Variants in TNR observed in about 807,000 individuals in gnomAD.
TNR encodes tenascin-R.
TNR carries 45 observed loss-of-function variants against 150.4 expected under a neutral mutation model. The ratio of observed to expected loss-of-function variants is 0.30; its 90% CI spans 0.24 to 0.38. TNR has a LOEUF of 0.38. Ranked by LOEUF, TNR falls within the 10% of genes least tolerant of loss-of-function variation. TNR has a pLI of 1.00. For missense variants in TNR, 1,544 were observed against 1,759.1 expected (o/e 0.88, Z 2.19); for synonymous variants, 687 against 678.4 (o/e 1.01, Z -0.20).
intron 18 of TNR, among the ~76,000 whole-genome samples, chr1:175,341,660 A>G (rs1650529116): frequency 6.6e-6 from 1 of 152,134 alleles, no homozygotes; most frequent in Admixed American, 6.5e-5. Flanking sequence ...CTTTAAAATG[A>G]TCAGCTTTAA....
At chr1:175,411,356 T>C (rs777084241) in intron 2 of TNR, among the ~76,000 whole-genome samples, 4 of 152,190 alleles carry the variant, frequency 2.6e-5, no homozygotes, top group Admixed American at 6.5e-5. Flanking sequence ...ACTTTATAAA[T>C]TCTTGGTCTT....
intron 8 of TNR, among the ~76,000 whole-genome samples, chr1:175,382,319 T>C (rs1652718034): frequency 6.6e-6 from 1 of 152,178 alleles, no homozygotes; most frequent in African/African-American, 2.4e-5. Context: ...ATTTCAGCTG[T>C]GGAGCATTGA....
chr1:175,392,921 G>A (rs1319587487), intron 6 of TNR, among the ~76,000 whole-genome samples: 1 of 152,208 alleles, frequency 6.6e-6, no homozygotes, highest in African/African-American at 2.4e-5. Context: ...TAAGAATTTT[G>A]AAGTAAAAGA....
intron 2 of TNR, among the ~76,000 whole-genome samples, chr1:175,455,303 A>C (rs1284119117): frequency 1.3e-5 from 2 of 152,186 alleles, no homozygotes; most frequent in African/African-American, 4.8e-5. Flanking sequence ...ATTTTATACC[A>C]CTAAGTTTTG....
intron 2 of TNR, among the ~76,000 whole-genome samples, chr1:175,417,105 G>A (rs971867854): frequency 7.0e-6 from 1 of 141,982 alleles, no homozygotes; most frequent in South Asian, 2.3e-4. Context: ...TTCCCTCATG[G>A]GGCTTATAAT....
At chr1:175,730,647 G>T (rs1026202546) in intron 1 of TNR, among the ~76,000 whole-genome samples, 2 of 152,338 alleles carry the variant, frequency 1.3e-5, no homozygotes, top group Admixed American at 1.3e-4. Context: ...ATAAGACAGA[G>T]AATGTCTTTA....
intron 2 of TNR, among the ~76,000 whole-genome samples, chr1:175,413,092 C>G (rs1480353201): frequency 1.3e-5 from 2 of 152,158 alleles, no homozygotes; most frequent in African/African-American, 4.8e-5. Context: ...GTGGCACGAT[C>G]TCTGCTCACT....
chr1:175,339,420 G>T (rs1317374401), intron 18 of TNR, among the ~76,000 whole-genome samples: 1 of 152,208 alleles, frequency 6.6e-6, no homozygotes, highest in African/African-American at 2.4e-5. Flanking sequence ...GTCATCTGCA[G>T]AGTGTCCTAG....
chr1:175,529,190 C>G (rs1659968992), intron 1 of TNR, among the ~76,000 whole-genome samples: 1 of 152,168 alleles, frequency 6.6e-6, no homozygotes, highest in Non-Finnish European at 1.5e-5. Context: ...CTCACAAACC[C>G]TGCTAAGCCT....
intron 1 of TNR, among the ~76,000 whole-genome samples, chr1:175,671,017 G>A (rs1665681711): frequency 6.6e-6 from 1 of 152,132 alleles, no homozygotes; most frequent in Non-Finnish European, 1.5e-5. Context: ...ATGATGGCTG[G>A]AACTCAGGCC....
intron 2 of TNR, among the ~76,000 whole-genome samples, chr1:175,467,232 C>T (rs1365446574): frequency 1.3e-5 from 2 of 152,194 alleles, no homozygotes; most frequent in African/African-American, 4.8e-5. Flanking sequence ...TGTCTACTCT[C>T]TCCCAGTGTG....
In TNR at chr1:175,355,508, G is replaced by A. The variant is rs775727703; in HGVS notation, c.3244C>T (p.Arg1082Cys). Reference protein sequence around the residue: ...VLTYKSTDGSRKELIVDAEDT... With the variant: ...VLTYKSTDGSCKELIVDAEDT... ...CCTTTCCAGCAAAATCTCACCTTGC[G>A]GCTTCCATCGGTGGATTTGTAGGTC... The change falls in exon 17 of 23, where the codon CGC becomes TGC. Residue 1082 changes from arginine to cysteine, a missense_variant. Around this residue, in one of 2 missense-constraint regions of TNR, gnomAD observed 290 missense variants for 429.7 expected, o/e 0.67. Coordinates refer to ENST00000367674, the MANE Select transcript of TNR (RefSeq NM_003285.3). 15 of 1,613,716 alleles carry A rather than the reference G, an allele frequency of 9.3e-6. No homozygotes were observed. Among genetic ancestry groups the A allele is most frequent in the African/African-American group, 2.7e-5 (2 of 74,894 alleles).
intron 1 of TNR, among the ~76,000 whole-genome samples, chr1:175,666,789 C>T (rs560454813): frequency 1.3e-5 from 2 of 152,206 alleles, no homozygotes; most frequent in African/African-American, 2.4e-5. Flanking sequence ...CTTTCTGTCA[C>T]CAGGCTGGAG....
chr1:175,348,807 G>C (rs750597046), intron 18 of TNR, among the ~76,000 whole-genome samples: 1 of 152,058 alleles, frequency 6.6e-6, no homozygotes, highest in Non-Finnish European at 1.5e-5. Flanking sequence ...AGTTAATAGC[G>C]GAACATATTG....
intron 1 of TNR, among the ~76,000 whole-genome samples, chr1:175,572,123 C>T (rs1661898528): frequency 6.6e-6 from 1 of 152,162 alleles, no homozygotes; most frequent in Admixed American, 6.5e-5. Flanking sequence ...TCATGGGCCG[C>T]TACTACTGAC....
intron 1 of TNR, among the ~76,000 whole-genome samples, chr1:175,685,358 T>G (rs976804469): frequency 3.3e-5 from 5 of 152,174 alleles, no homozygotes; most frequent in African/African-American, 1.2e-4. Context: ...CAGCTAACAG[T>G]TCATTCACAT....
At chr1:175,410,115 G>T (rs1225834748) in intron 2 of TNR, among the ~76,000 whole-genome samples, 2 of 152,128 alleles carry the variant, frequency 1.3e-5, no homozygotes, top group Non-Finnish European at 2.9e-5. Context: ...GAAGTGGGGT[G>T]GTGAGCTGAA....
chr1:175,621,386 C>T (rs1239129726), intron 1 of TNR, among the ~76,000 whole-genome samples: 32 of 152,284 alleles, frequency 2.1e-4, no homozygotes, highest in Non-Finnish European at 1.5e-5. Context: ...ACCCTCCTTG[C>T]TTCCCTTCAT....
intron 1 of TNR, among the ~76,000 whole-genome samples, chr1:175,602,792 G>T (rs977348038): frequency 5.3e-5 from 8 of 152,054 alleles, no homozygotes; most frequent in South Asian, 2.1e-4. Context: ...CTTCTTTCAG[G>T]TTACATGACT....
Sources: gnomAD v4.1 joint callset for allele counts (sites outside exome capture counted in the v4.1 genomes callset) on GRCh38, gnomAD v4.1.1 for gene constraint, gnomAD v4.1.1 regional missense constraint, MANE v1.5 for transcripts, NCBI Gene and HGNC (gene_info 2026-07-23, HGNC 2026-07-21) for gene names.